The following SHISA6 variants were observed in gnomAD, a reference collection of about 807,000 sequenced individuals.
SHISA6 encodes protein shisa-6.
SHISA6 carries 22 observed loss-of-function variants against 47.9 expected under a neutral mutation model. The observed-to-expected ratio is 0.46, with a 90% CI of 0.33 to 0.66. SHISA6 has a LOEUF of 0.66. SHISA6 is among the 30% of genes least tolerant of loss of function. The pLI, the probability that SHISA6 is intolerant of heterozygous loss-of-function variation, is 0.02. For missense variants in SHISA6, 680 were observed against 764.6 expected, an observed-to-expected ratio of 0.89 and a Z score of 1.30; for synonymous variants, 388 against 337.8, an observed-to-expected ratio of 1.15 and a Z score of -1.63.
intron 2 of SHISA6, among the ~76,000 whole-genome samples, chr17:11,308,422 A>G (rs1567568041): frequency 6.6e-6 from 1 of 152,128 alleles, no homozygotes; most frequent in Non-Finnish European, 1.5e-5. Flanking sequence ...CCTCCTGGAA[A>G]TGGCAGGAGC....
chr17:11,312,634 A>G (rs1272117954), intron 2 of SHISA6, among the ~76,000 whole-genome samples: 1 of 152,244 alleles, frequency 6.6e-6, no homozygotes, highest in Non-Finnish European at 1.5e-5. Context: ...ATATAAAACA[A>G]TATAAGCATA....
chr17:11,522,415 C>T (rs1321290638), intron 3 of SHISA6, among the ~76,000 whole-genome samples: 1 of 152,278 alleles, frequency 6.6e-6, no homozygotes, highest in Non-Finnish European at 1.5e-5. Context: ...AGACACGCAA[C>T]AGCACGCCTG....
chr17:11,458,113 G>GA (rs1567611187), intron 3 of SHISA6, among the ~76,000 whole-genome samples: 1 of 150,460 alleles, frequency 6.6e-6, no homozygotes, highest in Non-Finnish European at 1.5e-5. Context: ...TAGAATGCCT[G>GA]AAAAAACAGG....
chr17:11,374,886 A>G (rs1431601301), intron 2 of SHISA6, among the ~76,000 whole-genome samples: 1 of 152,054 alleles, frequency 6.6e-6, no homozygotes, highest in African/African-American at 2.4e-5. Context: ...AATGGGCGTC[A>G]TCATTGTTTT....
At chr17:11,254,512 T>C (rs930853477) in intron 1 of SHISA6, among the ~76,000 whole-genome samples, 9 of 152,228 alleles carry the variant, frequency 5.9e-5, no homozygotes, top group African/African-American at 2.2e-4. Context: ...ATAGGATCTC[T>C]TGGTAGAAGA....
At chr17:11,363,332 C>T (rs1912347885) in intron 2 of SHISA6, among the ~76,000 whole-genome samples, 1 of 151,818 alleles carries the variant, frequency 6.6e-6, no homozygotes. Flanking sequence ...TATTTTTGAG[C>T]AGTGTTGTGG....
intron 3 of SHISA6, among the ~76,000 whole-genome samples, chr17:11,458,744 C>T (rs1004527293): frequency 7.2e-5 from 11 of 152,182 alleles, no homozygotes; most frequent in Admixed American, 5.2e-4. Flanking sequence ...CATAATGCTC[C>T]TCCCAGATTT....
At chr17:11,250,489 G>C (rs1457974619) in intron 1 of SHISA6, among the ~76,000 whole-genome samples, 2 of 152,228 alleles carry the variant, frequency 1.3e-5, no homozygotes, top group Admixed American at 6.5e-5. Flanking sequence ...AATGGAGCGA[G>C]GGTGGGGCAG....
Position 11,479,789 on chromosome 17 carries a change from C to T in SHISA6, c.896-72107C>T, listed in dbSNP as rs1020550500. Among the ~76,000 whole-genome samples, 6 of 151,124 alleles carry T rather than the reference C, an allele frequency of 4.0e-5. No individual in the cohort carries two copies. The South Asian group carries it at 8.4e-4, about 21-fold the overall frequency. On this transcript the variant is annotated intron_variant, in intron 3 of 5. Transcript: ENST00000441885. ...ACATATATAATTTAATACATTGTTG[C>T]TATTATTTTAAACAAACTATTACCT...
intron 3 of SHISA6, among the ~76,000 whole-genome samples, chr17:11,487,959 T>C (rs572173146): frequency 3.0e-4 from 46 of 152,340 alleles, no homozygotes; most frequent in African/African-American, 1.0e-3. Flanking sequence ...CAAAAACCCA[T>C]TTAAATCCCA....
At chr17:11,259,552 T>C (rs1908147583) in intron 1 of SHISA6, among the ~76,000 whole-genome samples, 1 of 152,256 alleles carries the variant, frequency 6.6e-6, no homozygotes, top group Admixed American at 6.5e-5. Flanking sequence ...CTAGTTCATA[T>C]CCTGAATGCA....
chr17:11,310,949 A>C (rs1213184409), intron 2 of SHISA6, among the ~76,000 whole-genome samples: 1 of 152,032 alleles, frequency 6.6e-6, no homozygotes, highest in Non-Finnish European at 1.5e-5. Flanking sequence ...TCTACTAAAA[A>C]TAGAAAAAAT....
At chr17:11,327,075 A>G (rs556206901) in intron 2 of SHISA6, among the ~76,000 whole-genome samples, 2 of 152,284 alleles carry the variant, frequency 1.3e-5, no homozygotes, top group East Asian at 3.9e-4. Flanking sequence ...GTTTAAGGGA[A>G]CCATCCGATA....
rs546881387 is a variant in SHISA6 at position 11,241,653 on chromosome 17, C to A, written c.231C>A (p.Pro77=). 304 of 1,436,918 alleles carry A rather than the reference C, an allele frequency of 2.1e-4. 1 individual carries two copies. The South Asian group carries it at 4.2e-3, about 20-fold the overall frequency. The allele number at this position is 1,436,918 out of a possible 1,614,324, so 89.0% of individuals were successfully genotyped here. The change falls in exon 1 of 6, where the codon CCC becomes CCA. Residue 77 remains proline (P), a synonymous_variant. Coordinates refer to ENST00000441885, the MANE Select transcript of SHISA6 (RefSeq NM_207386.4). This position sits in a 1 kb window ranked among gnomAD's most constrained non-coding sequence, Gnocchi z 5.5. ...IPEAGSRRGQ[P]AAAVAAAASA... Reference sequence around the variant, plus strand: ...AGGCGGGAAGCCGGCGGGGGCAGCCCGCGGCGGCTGTGGCGGCGGCGGCCA... The same window carrying A: ...AGGCGGGAAGCCGGCGGGGGCAGCCAGCGGCGGCTGTGGCGGCGGCGGCCA...
chr17:11,363,974 G>A (rs1365905543), intron 2 of SHISA6, among the ~76,000 whole-genome samples: 1 of 152,206 alleles, frequency 6.6e-6, no homozygotes, highest in Non-Finnish European at 1.5e-5. Context: ...TGCAGGAGCA[G>A]TCACAGAGCT....
rs762598934 is a variant in SHISA6, at chr17:11,558,138, C to G, written c.1490C>G (p.Ser497Cys). Residue 497 changes from serine to cysteine, a missense_variant, in exon 6 of 6, where the codon TCT (serine) becomes TGT (cysteine). Coordinates refer to ENST00000441885, the MANE Select transcript of SHISA6 (RefSeq NM_207386.4). ...CGCTACCGCATGAGCAAGATGCACT[C>G]TCATCCCAGTGCCTCCAATAACTCA... ...LDRYRMSKMH[S>C]HPSASNNSYA... The G allele has an allele frequency of 1.3e-6, 2 of 1,550,910 alleles. No homozygotes were observed. The highest frequency in any genetic ancestry group is 1.4e-5 in the African/African-American group (1 of 73,200).
chr17:11,278,659 G>C lies in SHISA6; in HGVS notation c.799+15133G>C, dbSNP rs543761383. 2.6e-5 allele frequency among the ~76,000 whole-genome samples: 4 copies of C among 152,328 alleles called. No individual in the cohort carries two copies. In the South Asian group the frequency reaches 8.3e-4, roughly 32 times the overall value. ...TCTCCCAGATCAAGACCCCGCTGTG[G>C]GTGGGCCGCCAGCTAGCAGCTGGGC... On this transcript the variant is annotated intron_variant, in intron 2 of 5. Coordinates refer to ENST00000441885, the MANE Select transcript of SHISA6 (RefSeq NM_207386.4).
chr17:11,512,302 C>T (rs2071547429), intron 3 of SHISA6, among the ~76,000 whole-genome samples: 1 of 152,218 alleles, frequency 6.6e-6, no homozygotes, highest in African/African-American at 2.4e-5. Flanking sequence ...AGTCTCACCT[C>T]CTGTGGTTCC....
At chr17:11,502,663 G>A (rs536056543) in intron 3 of SHISA6, among the ~76,000 whole-genome samples, 2 of 150,968 alleles carry the variant, frequency 1.3e-5, no homozygotes, top group African/African-American at 2.4e-5. Flanking sequence ...GGAGGCAGAG[G>A]TTGCAGTGAG....
Sources: gnomAD v4.1 joint callset for allele counts (sites outside exome capture counted in the v4.1 genomes callset) on GRCh38, gnomAD v4.1.1 for gene constraint, Gnocchi (gnomAD v3.1) non-coding constraint, MANE v1.5 for transcripts, NCBI Gene and HGNC (gene_info 2026-07-23, HGNC 2026-07-21) for gene names.